The following PHLPP1 variants were observed in gnomAD, a reference collection of about 807,000 sequenced individuals.
The protein encoded by PHLPP1 is PH domain leucine-rich repeat-containing protein phosphatase 1.
A neutral mutation model predicts 117.2 loss-of-function variants in PHLPP1; 42 were observed. That is an observed-to-expected ratio of 0.36 (90% CI 0.28 to 0.46). The LOEUF is 0.46. Ranked by LOEUF, PHLPP1 falls within the 20% of genes least tolerant of loss-of-function variation. PHLPP1 has a pLI of 1.00. For synonymous variants in PHLPP1, 1,042 were observed against 970.7 expected, an observed-to-expected ratio of 1.07 and a Z score of -1.37; for missense variants, 2,084 against 2,241.9, an observed-to-expected ratio of 0.93 and a Z score of 1.42.
chr18:62,967,352 C>A (rs1319901707), intron 14 of PHLPP1, among the ~76,000 whole-genome samples: 1 of 152,144 alleles, frequency 6.6e-6, no homozygotes, highest in African/African-American at 2.4e-5. Context: ...TATCATTTCG[C>A]GCTCCCAACA....
intron 1 of PHLPP1, among the ~76,000 whole-genome samples, chr18:62,735,653 A>T (rs1911350778): frequency 6.6e-6 from 1 of 152,192 alleles, no homozygotes. Flanking sequence ...AGATTACCCC[A>T]GGTAGCATCA....
chr18:62,863,278 G>A (rs1206427683), intron 4 of PHLPP1, among the ~76,000 whole-genome samples: 1 of 151,846 alleles, frequency 6.6e-6, no homozygotes, highest in Non-Finnish European at 1.5e-5. Context: ...GTGGCTCACA[G>A]CAACCTTCGC....
chr18:62,949,304 GTTA>G (rs1468899543), intron 12 of PHLPP1, among the ~76,000 whole-genome samples: 1 of 152,304 alleles, frequency 6.6e-6, no homozygotes, highest in African/African-American at 2.4e-5. Flanking sequence ...TTTAAAAACA[GTTA>G]TTGTTTAAAA....
chr18:62,945,030 G>C (rs1568169897), intron 11 of PHLPP1, 79 bp from the exon 12 acceptor site: 2 of 1,096,164 alleles, frequency 1.8e-6, no homozygotes, highest in East Asian at 5.6e-5. Context: ...AATCCTTAAA[G>C]TCATAGCAAT....
chr18:62,804,273 A>G (rs796996265), intron 1 of PHLPP1, among the ~76,000 whole-genome samples: 3 of 152,146 alleles, frequency 2.0e-5, no homozygotes, highest in South Asian at 2.1e-4. Context: ...ATCACTTCCC[A>G]TCAGGTCCCT....
At chr18:62,858,931 G>A (rs1460256939) in intron 3 of PHLPP1, among the ~76,000 whole-genome samples, 6 of 152,138 alleles carry the variant, frequency 3.9e-5, no homozygotes, top group Non-Finnish European at 5.9e-5. Flanking sequence ...CTTTATACGT[G>A]TTATACAGAT....
chr18:62,956,830 G>A (rs1051923263), intron 12 of PHLPP1, among the ~76,000 whole-genome samples: 1 of 152,026 alleles, frequency 6.6e-6, no homozygotes, highest in African/African-American at 2.4e-5. Flanking sequence ...TTGTGTGAGA[G>A]CATTGTGTTG....
chr18:62,878,391 A>G (rs749204412), intron 4 of PHLPP1, among the ~76,000 whole-genome samples: 4 of 152,160 alleles, frequency 2.6e-5, no homozygotes, highest in Non-Finnish European at 4.4e-5. Context: ...CTGCTACTTC[A>G]TGTCAAATAA....
chr18:62,868,621 C>CAAAA (rs35943627), intron 4 of PHLPP1, among the ~76,000 whole-genome samples: 2 of 67,242 alleles, frequency 3.0e-5, no homozygotes, highest in African/African-American at 4.9e-5. Flanking sequence ...GACTCTGTCT[C>CAAAA]AAAAAAAAAA....
In PHLPP1 at chr18:62,817,186, C is replaced by G. The variant is rs192546310; in HGVS notation, c.1577-12849C>G. Among the ~76,000 whole-genome samples, 9 of 152,312 alleles carry G rather than the reference C, an allele frequency of 5.9e-5. 1 individual carries two copies. The East Asian group carries it at 1.7e-3, about 29-fold the overall frequency. Reference sequence around the variant, plus strand: ...CTGAAATTCCTGGATGCAAGCAATCCTCCTGCCTTGGCCTCCCAAAGTGCT... The same window carrying G: ...CTGAAATTCCTGGATGCAAGCAATCGTCCTGCCTTGGCCTCCCAAAGTGCT... On this transcript the variant is annotated intron_variant, in intron 1 of 16. Coordinates refer to ENST00000262719, the MANE Select transcript of PHLPP1 (RefSeq NM_194449.4).
chr18:62,761,891 G>A (rs1232429773), intron 1 of PHLPP1, among the ~76,000 whole-genome samples: 1 of 151,990 alleles, frequency 6.6e-6, no homozygotes, highest in African/African-American at 2.4e-5. Flanking sequence ...TTATAGGCAT[G>A]AGCTGCCGCA....
chr18:62,753,394 G>C (rs1471560843), intron 1 of PHLPP1, among the ~76,000 whole-genome samples: 1 of 152,174 alleles, frequency 6.6e-6, no homozygotes, highest in African/African-American at 2.4e-5. Flanking sequence ...AGTTTGATTA[G>C]AGGAAAATAA....
rs890376011 is a variant in PHLPP1 at position 62,769,565 on chromosome 18, C to T, written c.1576+52306C>T. 5.9e-5 allele frequency among the ~76,000 whole-genome samples: 9 copies of T among 152,232 alleles called. No homozygotes were observed. In the Middle Eastern group the frequency reaches 0.01, roughly 173 times the overall value. ...AATGTCACCAAGATGCTCTGTCTTT[C>T]ATATACCAGGAAAAATAGGCCATTA... is the stretch of plus-strand genomic sequence containing the variant. On this transcript the variant is annotated intron_variant, in intron 1 of 16. Transcript: ENST00000262719.
chr18:62,940,349 C>CT (rs1568168241), intron 10 of PHLPP1, among the ~76,000 whole-genome samples: 5 of 72,056 alleles, frequency 6.9e-5, no homozygotes, highest in African/African-American at 2.2e-4. Context: ...CTTTTTCTTT[C>CT]TTTTCTTTTT....
rs749907367 is a variant in PHLPP1 at position 62,967,828 on chromosome 18, C to CT, written c.3560+4370dup. On this transcript the variant is annotated intron_variant, in intron 14 of 16. Coordinates refer to ENST00000262719, the MANE Select transcript of PHLPP1 (RefSeq NM_194449.4). ...TTTGGTCACGATGTAGTATATTTTT[C>CT]TTTTTTTTTTTTTTAGACAGCGTTT... 9.8e-3 allele frequency among the ~76,000 whole-genome samples: 1,294 copies of CT among 132,474 alleles called. 13 individuals carry two copies. The highest frequency in any genetic ancestry group is 0.036 in the East Asian group (167 of 4,682). 86.9% of individuals were successfully genotyped at this position (132,474 alleles called of 152,430 possible).
rs1430919491 is a variant in PHLPP1 at position 62,978,666 on chromosome 18, G to T, written c.4389G>T (p.Gly1463=). The T allele has an allele frequency of 1.2e-6, 2 of 1,613,762 alleles. No homozygotes were observed. The highest frequency in any genetic ancestry group is 1.6e-4 in the Middle Eastern group (1 of 6,084). The change falls in exon 17 of 17, where the codon GGG becomes GGT. Residue 1463 remains glycine (G), a synonymous_variant. Transcript: ENST00000262719. This position sits in a 1 kb window ranked among gnomAD's most constrained non-coding sequence, Gnocchi z 7.0. The part of the protein sequence containing the change: ...NMVIKDRPSD[G]LGVPSSSSGM... ...TGATCAAGGATCGGCCCTCAGATGG[G>T]CTGGGCGTGCCGTCCTCCAGCAGCG...
At chr18:62,951,812 A>ATTTTT (rs34516044) in intron 12 of PHLPP1, among the ~76,000 whole-genome samples, 1 of 101,420 alleles carries the variant, frequency 9.9e-6, no homozygotes, top group Non-Finnish European at 1.9e-5. Context: ...CACATAATTA[A>ATTTTT]TTTTTTTTTT....
intron 6 of PHLPP1, among the ~76,000 whole-genome samples, chr18:62,901,628 CTT>C (rs543110023): frequency 4.9e-5 from 7 of 142,764 alleles, no homozygotes; most frequent in Admixed American, 7.0e-5. Context: ...CTCCTTTTTT[CTT>C]TTTTTTTTTT....
Position 62,978,942 on chromosome 18 carries a change from C to T in PHLPP1, c.4665C>T (p.Gly1555=), listed in dbSNP as rs369915759. Residue 1555 remains glycine (G), a synonymous_variant, in exon 17 of 17, where the codon GGC becomes GGT. Coordinates refer to ENST00000262719, the MANE Select transcript of PHLPP1 (RefSeq NM_194449.4). This position sits in a 1 kb window ranked among gnomAD's most constrained non-coding sequence, Gnocchi z 7.0. The part of the protein sequence containing the change: ...LDSDDEEPIE[G]VFTNGSRVEV... Reference sequence around the variant, plus strand: ...GTGACGATGAGGAGCCCATCGAGGGCGTCTTCACCAACGGCAGCCGGGTGG... The same window carrying T: ...GTGACGATGAGGAGCCCATCGAGGGTGTCTTCACCAACGGCAGCCGGGTGG... 6.4e-5 allele frequency: 103 copies of T among 1,609,386 alleles called. No individual in the cohort carries two copies. Among genetic ancestry groups the T allele is most frequent in the African/African-American group, 2.3e-4 (17 of 74,826 alleles).
Sources: allele counts gnomAD v4.1 joint callset (sites outside exome capture counted in the v4.1 genomes callset), GRCh38; gene constraint gnomAD v4.1.1; non-coding constraint Gnocchi (gnomAD v3.1); transcripts MANE v1.5; gene names NCBI Gene and HGNC (gene_info 2026-07-23, HGNC 2026-07-21).